Variants in NDUFAF6 observed in about 807,000 individuals in gnomAD.
NDUFAF6 encodes the protein NADH dehydrogenase (ubiquinone) complex I, assembly factor 6.
NDUFAF6 carries 45 observed loss-of-function variants against 40.8 expected under a neutral mutation model. That is an observed-to-expected ratio of 1.10 (90% CI 0.87 to 1.42). The LOEUF (loss-of-function observed/expected upper bound fraction) is 1.42, where lower values mean the gene tolerates loss of function less well. Among genes scored for constraint, NDUFAF6 ranks in the 40% most tolerant of loss-of-function variants. The pLI, the probability that NDUFAF6 is intolerant of heterozygous loss-of-function variation, is 0.00. For missense variants in NDUFAF6, 435 were observed against 418.5 expected, an observed-to-expected ratio of 1.04 and a Z score of -0.34; for synonymous variants, 185 against 155.9, an observed-to-expected ratio of 1.19 and a Z score of -1.39.
chr8:95,095,363 G>C (rs1451172884), intron 2 of NDUFAF6, among the ~76,000 whole-genome samples: 1 of 152,140 alleles, frequency 6.6e-6, no homozygotes, highest in African/African-American at 2.4e-5. Context: ...GGGTTTGGTG[G>C]ACACAGTCAT....
rs74504191 is a variant in NDUFAF6 at position 94,920,281 on chromosome 8, C to G, written c.-936+24354C>G. Among the ~76,000 whole-genome samples the G allele has an allele frequency of 2.4e-3, 361 of 152,218 alleles. 9 individuals carry two copies. The East Asian group carries it at 0.064, about 27-fold the overall frequency. On this transcript the variant is annotated intron_variant, in intron 1 of 14. Transcript: ENST00000396113. ...CATTCCTGCCCTATAACACAATAGA[C>G]TGGTAATTTATAAATAGAAATATAT... is the stretch of plus-strand genomic sequence containing the variant.
intron 5 of NDUFAF6, 119 bp from the exon 6 acceptor site, chr8:95,046,875 C>A: frequency 7.2e-7 from 1 of 1,381,706 alleles, no homozygotes; most frequent in Non-Finnish European, 1.0e-6. Context: ...TCCTGTTTTT[C>A]AGATGTAAAA....
chr8:94,901,198 G>C (rs765738063), intron 1 of NDUFAF6, among the ~76,000 whole-genome samples: 2 of 152,166 alleles, frequency 1.3e-5, no homozygotes, highest in African/African-American at 4.8e-5. Context: ...AACGAGGTTT[G>C]TATGGCTGGA....
At chr8:95,080,035 G>A (rs188488909), downstream of NDUFAF6, among the ~76,000 whole-genome samples, 12,436 of 75,728 alleles carry the variant, frequency 0.16, 4,140 homozygotes, top group East Asian at 0.35. Flanking sequence ...TTTTTGTAGC[G>A]TATTTTTTGT....
chr8:95,021,199 G>A (rs1220921238), upstream of NDUFAF6, among the ~76,000 whole-genome samples: 2 of 152,316 alleles, frequency 1.3e-5, no homozygotes, highest in East Asian at 3.9e-4. Flanking sequence ...ACTGTCCTCT[G>A]TGTAGCTCTC....
intron 8 of NDUFAF6, among the ~76,000 whole-genome samples, chr8:95,054,351 A>G (rs1300870778): frequency 1.1e-4 from 17 of 152,046 alleles, no homozygotes; most frequent in Non-Finnish European, 5.9e-5. Flanking sequence ...TCACTGGGGA[A>G]CTTGTTAGAA....
chr8:95,115,829 G>A (rs929364407), intron 5 of NDUFAF6: 2 of 152,242 alleles, frequency 1.3e-5, no homozygotes, highest in African/African-American at 4.8e-5. Flanking sequence ...CACTTGTTCA[G>A]GCAGGTGCCC....
intron 1 of NDUFAF6, among the ~76,000 whole-genome samples, chr8:94,911,195 T>C (rs1349011118): frequency 6.6e-6 from 1 of 152,206 alleles, no homozygotes; most frequent in African/African-American, 2.4e-5. Context: ...TGTATTGATA[T>C]TGTGATTCTT....
intron 2 of NDUFAF6, among the ~76,000 whole-genome samples, chr8:94,997,250 C>T (rs1331292299): frequency 1.4e-5 from 2 of 147,982 alleles, no homozygotes; most frequent in East Asian, 2.1e-4. Flanking sequence ...GCCAACCTGA[C>T]CCTGCCAGGA....
At chr8:94,947,029 C>T (rs538757862) in intron 2 of NDUFAF6, among the ~76,000 whole-genome samples, 9 of 152,200 alleles carry the variant, frequency 5.9e-5, no homozygotes, top group East Asian at 1.9e-4. Context: ...TTGTATGTAA[C>T]GGGGCCTTGA....
At chr8:94,953,361 CAA>C (rs562800399), upstream of NDUFAF6, among the ~76,000 whole-genome samples, 30 of 144,562 alleles carry the variant, frequency 2.1e-4, no homozygotes, top group African/African-American at 7.7e-4. Context: ...AAAAAAAAAA[CAA>C]AAAAAAAACC....
intron 1 of NDUFAF6, among the ~76,000 whole-genome samples, chr8:94,916,039 C>A (rs2131247047): frequency 6.6e-6 from 1 of 152,248 alleles, no homozygotes; most frequent in East Asian, 1.9e-4. Flanking sequence ...CTAGGAGAGG[C>A]CATTGAATGA....
At position 94,978,302 on chromosome 8, in the gene NDUFAF6, C is replaced by T. The variant is rs1586876878; in HGVS notation, c.-198-2557C>T. Among the ~76,000 whole-genome samples the T allele has an allele frequency of 3.3e-5, 5 of 152,326 alleles. No homozygotes were observed. In the South Asian group the frequency reaches 1.0e-3, roughly 32 times the overall value. On this transcript the variant is annotated intron_variant, in intron 1 of 9. Coordinates refer to the NDUFAF6 transcript ENST00000396111. Reference sequence around the variant, plus strand: ...CATAGAGCTTCTAGGTTGGTGAACACATCTGCGTGTTAGAAGGATGGCGCA... The same window carrying T: ...CATAGAGCTTCTAGGTTGGTGAACATATCTGCGTGTTAGAAGGATGGCGCA...
intron 1 of NDUFAF6, among the ~76,000 whole-genome samples, chr8:94,964,209 C>T (rs1823825270): frequency 6.6e-6 from 1 of 152,126 alleles, no homozygotes; most frequent in African/African-American, 2.4e-5. Context: ...GGGAGGACCC[C>T]TTGAGCCTAG....
intron 1 of NDUFAF6, among the ~76,000 whole-genome samples, chr8:94,967,957 A>G (rs13281537): frequency 6.7e-6 from 1 of 149,618 alleles, no homozygotes. Context: ...AAAAAAAAAA[A>G]GTCAGCTGGG....
At chr8:95,037,014 TA>T (rs1047396103) in intron 3 of NDUFAF6, among the ~76,000 whole-genome samples, 3 of 152,230 alleles carry the variant, frequency 2.0e-5, no homozygotes, top group Admixed American at 2.0e-4. Flanking sequence ...TTGAGGAGAT[TA>T]AATAGAGGGA....
intron 2 of NDUFAF6, among the ~76,000 whole-genome samples, chr8:94,985,280 C>A (rs1825725237): frequency 6.6e-6 from 1 of 151,402 alleles, no homozygotes; most frequent in African/African-American, 2.4e-5. Context: ...GGTGCTGAGG[C>A]TAGCAGAGGA....
chr8:94,896,435 C>T (rs2131143002), intron 1 of NDUFAF6: 1 of 152,314 alleles, frequency 6.6e-6, no homozygotes, highest in East Asian at 1.9e-4. Flanking sequence ...CTATGAATGC[C>T]CCCACAACTG....
intron 4 of NDUFAF6, among the ~76,000 whole-genome samples, chr8:95,042,648 T>G (rs532078490): frequency 9.2e-5 from 14 of 152,194 alleles, no homozygotes; most frequent in South Asian, 4.1e-4. Context: ...GTCCTAAAAT[T>G]CATATGGAAA....
Sources: allele counts gnomAD v4.1 joint callset (sites outside exome capture counted in the v4.1 genomes callset), GRCh38; gene constraint gnomAD v4.1.1; transcripts MANE v1.5; gene names NCBI Gene and HGNC (gene_info 2026-07-23, HGNC 2026-07-21).